The following ZNF146 variants were observed in gnomAD, a reference collection of about 807,000 sequenced individuals.
ZNF146 encodes the protein zinc finger protein OZF.
A neutral mutation model predicts 22.2 loss-of-function variants in ZNF146; 9 were observed. The observed-to-expected ratio is 0.41, with a 90% CI of 0.24 to 0.71. The LOEUF (loss-of-function observed/expected upper bound fraction) is 0.71. Among genes scored for constraint, ZNF146 ranks in the 30% least tolerant of loss-of-function variants. The pLI is 0.34. For synonymous variants in ZNF146, 108 were observed against 119.2 expected (o/e 0.91, Z 0.61); for missense variants, 194 against 344.8 (o/e 0.56, Z 3.46).
At chr19:36,232,672 G>A (rs1334451089) in intron 3 of ZNF146, among the ~76,000 whole-genome samples, 6 of 149,098 alleles carry the variant, frequency 4.0e-5, no homozygotes, top group Non-Finnish European at 8.9e-5. Flanking sequence ...GCAGTGGTGC[G>A]ATCTGGGCTC....
chr19:36,235,807 T>C lies in ZNF146; in HGVS notation c.-634T>C, dbSNP rs1289883259. ...AAATACTTCCTCTGTTCTCAGATCG[T>C]ATTTGTTTTAAGGCCACACCTTTTT... is the stretch of plus-strand genomic sequence containing the variant. On this transcript the variant is annotated 5_prime_UTR_variant, in exon 4 of 4. Transcript: ENST00000443387. 6.6e-6 allele frequency: 1 copy of C among 152,220 alleles called. No individual in the cohort carries two copies. The highest frequency in any genetic ancestry group is 1.5e-5 in the Non-Finnish European group (1 of 68,042). The allele number at this position is 152,220 out of a possible 1,614,324, so 9.4% of individuals were successfully genotyped here.
intron 2 of ZNF146, among the ~76,000 whole-genome samples, chr19:36,223,300 A>G (rs1665933183): frequency 6.6e-6 from 1 of 150,634 alleles, no homozygotes; most frequent in South Asian, 2.1e-4. Flanking sequence ...ACGAGATCAC[A>G]CCACTGCACT....
chr19:36,232,626 C>T (rs1467443624), intron 3 of ZNF146, among the ~76,000 whole-genome samples: 5 of 147,310 alleles, frequency 3.4e-5, no homozygotes, highest in East Asian at 2.0e-4. Context: ...TTTTTTTTCC[C>T]GAGACATAGT....
intron 1 of ZNF146, among the ~76,000 whole-genome samples, chr19:36,216,940 T>G (rs1976634128): frequency 6.6e-6 from 1 of 151,642 alleles, no homozygotes; most frequent in African/African-American, 2.4e-5. Context: ...TCTCCCGTAG[T>G]CCTAGCTGCT....
In ZNF146 at chr19:36,238,456, ACATCCAC is replaced by A. The variant is rs1977726699; in HGVS notation, c.*1138_*1144del. 2 of 167,052 alleles carry A rather than the reference ACATCCAC, an allele frequency of 1.2e-5. No individual in the cohort carries two copies. Among genetic ancestry groups the A allele is most frequent in the African/African-American group, 4.8e-5 (2 of 41,438 alleles). The allele number at this position is 167,052 out of a possible 1,614,324, so 10.3% of individuals were successfully genotyped here. A position where few individuals can be genotyped will look rare whatever the true frequency, so the allele number is the denominator to read the frequency against. On this transcript the variant is annotated 3_prime_UTR_variant, in exon 4 of 4. Transcript: ENST00000443387. The stretch of plus-strand genomic sequence containing the variant: ...AAGGGGACTTCAGCTTTTTATATAA[ACATCCAC>A]TTCTCTTTCAAAAGACTTCAAGTAA...
Position 36,237,314 on chromosome 19 carries a change from C to CA in ZNF146, c.875dup (p.His292GlnfsTer6). ...CATTAGACACCAGAAAATTCATACT[C>CA]ACTAAAAACCCCATGAAAGCCTTGA... On this transcript the variant is annotated frameshift_variant, in exon 4 of 4. Coordinates refer to ENST00000443387, the MANE Select transcript of ZNF146 (RefSeq NM_007145.3). LOFTEE classifies it high-confidence loss of function. 6.3e-7 allele frequency: 1 copy of CA among 1,595,702 alleles called. No individual in the cohort carries two copies. Among genetic ancestry groups the CA allele is most frequent in the Non-Finnish European group, 8.5e-7 (1 of 1,170,928 alleles).
chr19:36,222,512 G>A (rs578018037), intron 2 of ZNF146, among the ~76,000 whole-genome samples: 2 of 152,292 alleles, frequency 1.3e-5, no homozygotes, highest in East Asian at 1.9e-4. Flanking sequence ...GTGCGAGAGC[G>A]TCTTCCCCTT....
intron 3 of ZNF146, among the ~76,000 whole-genome samples, chr19:36,233,763 T>TC (rs1439089071): frequency 4.9e-4 from 74 of 152,322 alleles, no homozygotes; most frequent in African/African-American, 1.7e-3. Context: ...TAAGGCGGTT[T>TC]TCCCCTATCT....
intron 2 of ZNF146, among the ~76,000 whole-genome samples, chr19:36,222,631 T>A (rs947124454): frequency 6.4e-5 from 9 of 140,352 alleles, no homozygotes; most frequent in African/African-American, 2.9e-4. Context: ...TGAATGAGAA[T>A]TTTTTTTTAT....
At chr19:36,229,207 G>A (rs186531195) in intron 3 of ZNF146, among the ~76,000 whole-genome samples, 10 of 152,176 alleles carry the variant, frequency 6.6e-5, no homozygotes, top group Admixed American at 2.0e-4. Flanking sequence ...ATCCTTTCTA[G>A]TGGCTGAATG....
intron 2 of ZNF146, among the ~76,000 whole-genome samples, chr19:36,223,796 G>T (rs1334893139): frequency 1.3e-5 from 2 of 151,756 alleles, no homozygotes; most frequent in African/African-American, 2.4e-5. Flanking sequence ...ACCCAGGCTG[G>T]GGTGCAGTGG....
intron 3 of ZNF146, among the ~76,000 whole-genome samples, chr19:36,231,341 C>T (rs919993234): frequency 6.6e-6 from 1 of 152,124 alleles, no homozygotes; most frequent in African/African-American, 2.4e-5. Flanking sequence ...TCCTGAGTAG[C>T]TGGGACTACA....
intron 2 of ZNF146, among the ~76,000 whole-genome samples, chr19:36,219,285 C>T (rs1026715577): frequency 6.6e-6 from 1 of 152,126 alleles, no homozygotes; most frequent in African/African-American, 2.4e-5. Context: ...GCCCCACCCC[C>T]GCAGTGGTTG....
Position 36,230,291 on chromosome 19 carries a change from A to G in ZNF146, c.-783+1472A>G, listed in dbSNP as rs1027679093. On this transcript the variant is annotated intron_variant, in intron 3 of 3. Coordinates refer to ENST00000443387, the MANE Select transcript of ZNF146 (RefSeq NM_007145.3). The stretch of plus-strand genomic sequence containing the variant: ...ATCCTACAAGTATTTATTGCATGAT[A>G]TGTATTAGGTACTATTTCAGATGCT... Among the ~76,000 whole-genome samples the G allele has an allele frequency of 4.6e-5, 7 of 152,204 alleles. No individual in the cohort carries two copies. The South Asian group carries it at 6.2e-4, about 13-fold the overall frequency.
chr19:36,216,392 G>C (rs964744637), intron 1 of ZNF146, among the ~76,000 whole-genome samples: 1 of 152,102 alleles, frequency 6.6e-6, no homozygotes, highest in African/African-American at 2.4e-5. Context: ...TGTAATCCTA[G>C]CACTTTGGGA....
chr19:36,215,990 A>C (rs1976586545), intron 1 of ZNF146, among the ~76,000 whole-genome samples: 1 of 152,174 alleles, frequency 6.6e-6, no homozygotes, highest in Non-Finnish European at 1.5e-5. Flanking sequence ...TTGTGAAGTA[A>C]TGGAGAATGC....
intron 2 of ZNF146, among the ~76,000 whole-genome samples, chr19:36,223,146 A>G (rs10416729): frequency 0.63 from 95,944 of 151,296 alleles, 30,615 homozygotes; most frequent in Middle Eastern, 0.71. Context: ...GCTGGGCGCG[A>G]TGGCTCACGC....
chr19:36,229,837 A>C (rs1977246000), intron 3 of ZNF146, among the ~76,000 whole-genome samples: 1 of 152,188 alleles, frequency 6.6e-6, no homozygotes, highest in Admixed American at 6.5e-5. Context: ...CTTGTGCCTC[A>C]GGCTCCCGAG....
At chr19:36,226,854 G>T (rs918207660) in intron 2 of ZNF146, among the ~76,000 whole-genome samples, 2 of 152,146 alleles carry the variant, frequency 1.3e-5, no homozygotes, top group Non-Finnish European at 2.9e-5. Flanking sequence ...GGGAGGCCAA[G>T]GCAGGTGGAT....
Sources: allele counts gnomAD v4.1 joint callset (sites outside exome capture counted in the v4.1 genomes callset), GRCh38; gene constraint gnomAD v4.1.1; transcripts MANE v1.5; gene names NCBI Gene and HGNC (gene_info 2026-07-23, HGNC 2026-07-21).